Variants in TBC1D22A observed in about 807,000 individuals in gnomAD.
The protein encoded by TBC1D22A is TBC1 domain family member 22A, also known as putative GTPase activator.
A neutral mutation model predicts 60.2 loss-of-function variants in TBC1D22A; 38 were observed. That is an observed-to-expected ratio of 0.63 (90% confidence interval 0.49 to 0.83). The LOEUF is 0.83. TBC1D22A is among the 40% of genes least tolerant of loss of function. TBC1D22A has a pLI of 0.00. For synonymous variants in TBC1D22A, 302 were observed against 281.7 expected (o/e 1.07, Z -0.72); for missense variants, 628 against 701.0 (o/e 0.90, Z 1.18).
chr22:47,123,355 C>G (rs571333050), intron 12 of TBC1D22A, among the ~76,000 whole-genome samples: 2 of 152,144 alleles, frequency 1.3e-5, no homozygotes, highest in African/African-American at 4.8e-5. Context: ...GAGCACCTGG[C>G]GCGTGGTCGG....
At chr22:47,099,422 C>T (rs1569444995) in intron 11 of TBC1D22A, among the ~76,000 whole-genome samples, 3 of 152,110 alleles carry the variant, frequency 2.0e-5, no homozygotes, top group East Asian at 3.9e-4. Flanking sequence ...GCAGCCTCGT[C>T]CCTGCTTTCT....
At chr22:47,126,723 C>T (rs967520894) in intron 12 of TBC1D22A, among the ~76,000 whole-genome samples, 5 of 152,232 alleles carry the variant, frequency 3.3e-5, no homozygotes, top group African/African-American at 9.6e-5. Flanking sequence ...CCCAGGGACC[C>T]TGTGGTTCCA....
At position 47,172,962 on chromosome 22, in the gene TBC1D22A, G is replaced by A. The variant is rs563583224; in HGVS notation, c.1426-536G>A. ...CTGCTGATGGTGCTGGTGCCCGGAG[G>A]GGTCTCCTGGTGCACAGAAATCTGT... On this transcript the variant is annotated intron_variant, in intron 12 of 12. Coordinates refer to ENST00000337137, the MANE Select transcript of TBC1D22A (RefSeq NM_014346.5). Among the ~76,000 whole-genome samples, 78 of 152,350 alleles carry A rather than the reference G, an allele frequency of 5.1e-4. 2 individuals carry two copies. In the South Asian group the frequency reaches 0.016, roughly 31 times the overall value.
At chr22:47,171,798 A>C (rs1325290924) in intron 12 of TBC1D22A, among the ~76,000 whole-genome samples, 1 of 152,150 alleles carries the variant, frequency 6.6e-6, no homozygotes, top group Non-Finnish European at 1.5e-5. Flanking sequence ...TTGTGGCCTC[A>C]GTGGACGTAG....
rs538727522 is a variant in TBC1D22A, at chr22:46,940,794, C to G, written c.1015+28606C>G. Among the ~76,000 whole-genome samples the G allele has an allele frequency of 1.8e-4, 22 of 122,164 alleles. No individual in the cohort carries two copies. The South Asian group carries it at 5.0e-3, about 28-fold the overall frequency. The allele number at this position is 122,164 out of a possible 152,430, so 80.1% of individuals were successfully genotyped here. On this transcript the variant is annotated intron_variant, in intron 8 of 12. Transcript: ENST00000337137. ...TATATATGTACATATACAGTCCACC[C>G]TTGAACAGCATGGGGACCGGGGCAC...
chr22:47,088,729 G>T (rs929731912), intron 11 of TBC1D22A, among the ~76,000 whole-genome samples: 1 of 152,158 alleles, frequency 6.6e-6, no homozygotes, highest in Non-Finnish European at 1.5e-5. Flanking sequence ...TCAGAACCAC[G>T]AGAGGGAGCT....
chr22:46,853,909 T>C (rs2087424822), intron 4 of TBC1D22A, among the ~76,000 whole-genome samples: 1 of 152,198 alleles, frequency 6.6e-6, no homozygotes, highest in South Asian at 2.1e-4. Flanking sequence ...GATCACTTTC[T>C]CAGCCATGCC....
At chr22:47,080,518 G>A (rs1333327659) in intron 11 of TBC1D22A, among the ~76,000 whole-genome samples, 9 of 151,988 alleles carry the variant, frequency 5.9e-5, no homozygotes. Context: ...AGAAGTCAAA[G>A]GGAAAAGAGA....
intron 7 of TBC1D22A, among the ~76,000 whole-genome samples, chr22:46,903,976 AC>A (rs2069199065): frequency 1.3e-5 from 2 of 151,464 alleles, no homozygotes; most frequent in African/African-American, 4.9e-5. Flanking sequence ...TTTTACCCAG[AC>A]CCCTTTAAGT....
At chr22:46,807,053 C>G (rs1448344588) in intron 4 of TBC1D22A, among the ~76,000 whole-genome samples, 1 of 152,210 alleles carries the variant, frequency 6.6e-6, no homozygotes, top group Non-Finnish European at 1.5e-5. Context: ...GCAGATTCTT[C>G]CTGCTCAACC....
At chr22:47,108,723 T>C (rs1413276304) in intron 11 of TBC1D22A, among the ~76,000 whole-genome samples, 1 of 152,156 alleles carries the variant, frequency 6.6e-6, no homozygotes, top group Non-Finnish European at 1.5e-5. Context: ...TGAGACGGAG[T>C]CTTGCTCTGT....
intron 5 of TBC1D22A, among the ~76,000 whole-genome samples, chr22:46,887,810 A>G (rs1314706273): frequency 1.3e-5 from 2 of 152,230 alleles, no homozygotes; most frequent in Non-Finnish European, 2.9e-5. Flanking sequence ...TAAGTATGCT[A>G]TACTTCAATA....
chr22:46,975,425 G>T (rs1049155952), intron 9 of TBC1D22A, among the ~76,000 whole-genome samples: 2 of 152,162 alleles, frequency 1.3e-5, no homozygotes, highest in African/African-American at 2.4e-5. Context: ...GGTTTGGGTC[G>T]GTAATCGTTT....
intron 8 of TBC1D22A, among the ~76,000 whole-genome samples, chr22:46,962,445 A>G (rs565962142): frequency 6.6e-6 from 1 of 152,374 alleles, no homozygotes; most frequent in African/African-American, 2.4e-5. Flanking sequence ...CACATATTTT[A>G]CCAATATCTC....
At chr22:46,846,342 A>G (rs552449052) in intron 4 of TBC1D22A, among the ~76,000 whole-genome samples, 6 of 152,350 alleles carry the variant, frequency 3.9e-5, no homozygotes, top group South Asian at 4.1e-4. Context: ...GCGTGGCGAC[A>G]TCGCTTACTC....
intron 10 of TBC1D22A, among the ~76,000 whole-genome samples, chr22:47,025,772 C>T (rs772186819): frequency 4.0e-5 from 6 of 151,444 alleles, no homozygotes; most frequent in South Asian, 2.1e-4. Flanking sequence ...GTATAGAGTG[C>T]GTGGCAATAT....
At chr22:46,840,138 AATC>A (rs1460272513) in intron 4 of TBC1D22A, among the ~76,000 whole-genome samples, 1 of 152,230 alleles carries the variant, frequency 6.6e-6, no homozygotes, top group Admixed American at 6.5e-5. Context: ...CAAAGGAAAT[AATC>A]ATCAGAGTGA....
At chr22:47,006,459 C>T (rs1315497239) in intron 10 of TBC1D22A, among the ~76,000 whole-genome samples, 2 of 152,296 alleles carry the variant, frequency 1.3e-5, no homozygotes, top group Non-Finnish European at 2.9e-5. Flanking sequence ...GGAGGTTGAC[C>T]GCCCTGTAGT....
intron 7 of TBC1D22A, among the ~76,000 whole-genome samples, chr22:46,897,178 G>A (rs1229969206): frequency 6.6e-6 from 1 of 152,164 alleles, no homozygotes; most frequent in African/African-American, 2.4e-5. Flanking sequence ...AGCAGCAAAA[G>A]CAGACATTTA....
Sources: gnomAD v4.1 joint callset for allele counts (sites outside exome capture counted in the v4.1 genomes callset) on GRCh38, gnomAD v4.1.1 for gene constraint, MANE v1.5 for transcripts, NCBI Gene and HGNC (gene_info 2026-07-23, HGNC 2026-07-21) for gene names.